The following ST7L variants were observed in gnomAD, a reference collection of about 807,000 sequenced individuals.
ST7L encodes suppression of tumorigenicity 7 like.
Under a neutral mutation model 72.5 loss-of-function variants are expected in ST7L, and 57 were observed. That is an observed-to-expected ratio of 0.79 (90% CI 0.64 to 0.98). The LOEUF is 0.98. Among genes scored for constraint, ST7L ranks in the 50% least tolerant of loss-of-function variants. The probability of loss-of-function intolerance (pLI) is 0.00; values close to 1 mark genes in which losing one functional copy is unlikely to be tolerated. For missense variants in ST7L, 576 were observed against 672.2 expected (o/e 0.86, Z 1.58); for synonymous variants, 221 against 240.9 (o/e 0.92, Z 0.77).
chr1:112,604,378 A>G (rs1667876433), intron 3 of ST7L, among the ~76,000 whole-genome samples: 1 of 152,140 alleles, frequency 6.6e-6, no homozygotes, highest in South Asian at 2.1e-4. Context: ...CAATTCTAAA[A>G]TCTAAAGGCC....
chr1:112,618,697 A>G (rs1570684872), intron 1 of ST7L: 2 of 1,038,138 alleles, frequency 1.9e-6, no homozygotes, highest in East Asian at 2.7e-5. Context: ...GAGAGGGCGG[A>G]CCTTAAGAGT....
intron 11 of ST7L, among the ~76,000 whole-genome samples, chr1:112,572,879 A>C (rs1239552524): frequency 6.6e-6 from 1 of 152,214 alleles, no homozygotes; most frequent in African/African-American, 2.4e-5. Context: ...AAATTAAAAT[A>C]AAATAAACTC....
intron 9 of ST7L, among the ~76,000 whole-genome samples, chr1:112,580,029 T>C (rs1399687065): frequency 6.6e-6 from 1 of 152,254 alleles, no homozygotes; most frequent in African/African-American, 2.4e-5. Context: ...GAATTCCAGA[T>C]GTTTAAAAGA....
chr1:112,591,354 A>C (rs1558029571), intron 6 of ST7L, 171 bp downstream of exon 6: 1 of 569,296 alleles, frequency 1.8e-6, no homozygotes, highest in Non-Finnish European at 3.0e-6. Context: ...CAATTTCAGA[A>C]GCAAAATACA....
In ST7L at chr1:112,618,717, G is replaced by T. The variant is rs990938097; in HGVS notation, c.205+192C>A. ...GGCGGACCTTAAGAGTTCTACGGAGGAGCCGGTAACGGCAGCAGGCTTGTC... is the reference window on the plus strand; with the variant it reads ...GGCGGACCTTAAGAGTTCTACGGAGTAGCCGGTAACGGCAGCAGGCTTGTC... On this transcript the variant is annotated intron_variant, in intron 1 of 14. Coordinates refer to ENST00000358039, the MANE Select transcript of ST7L (RefSeq NM_017744.5). 1.9e-5 allele frequency: 24 copies of T among 1,232,374 alleles called. No homozygotes were observed. The African/African-American group carries it at 3.3e-4, about 17-fold the overall frequency. 76.3% of individuals were successfully genotyped at this position (1,232,374 alleles called of 1,614,324 possible).
At chr1:112,599,941 A>C (rs1477089632) in intron 4 of ST7L, among the ~76,000 whole-genome samples, 1 of 152,200 alleles carries the variant, frequency 6.6e-6, no homozygotes, top group African/African-American at 2.4e-5. Flanking sequence ...GTGGTGGCTC[A>C]TGCTTGTAAT....
chr1:112,614,067 A>T (rs1189840889), intron 2 of ST7L, among the ~76,000 whole-genome samples: 1 of 152,168 alleles, frequency 6.6e-6, no homozygotes, highest in East Asian at 1.9e-4. Flanking sequence ...CATCATATAT[A>T]TAAGTTATCC....
At chr1:112,528,201 CAGA>C (rs1653776724) in intron 14 of ST7L, 2 of 151,974 alleles carry the variant, frequency 1.3e-5, no homozygotes, top group East Asian at 1.9e-4. Flanking sequence ...TGAGGGCAGT[CAGA>C]AGAAGGCATT....
chr1:112,591,055 T>C (rs757691088), intron 6 of ST7L, among the ~76,000 whole-genome samples: 42 of 151,140 alleles, frequency 2.8e-4, no homozygotes, highest in Non-Finnish European at 5.6e-4. Flanking sequence ...CTCAGCCTCC[T>C]GAGTAGCTGG....
intron 11 of ST7L, among the ~76,000 whole-genome samples, chr1:112,564,111 A>C (rs1187155723): frequency 6.6e-6 from 1 of 152,212 alleles, no homozygotes; most frequent in African/African-American, 2.4e-5. Flanking sequence ...GGGAGACTAA[A>C]GACAGTTCCC....
intron 4 of ST7L, among the ~76,000 whole-genome samples, 166 bp from the exon 5 acceptor site, chr1:112,598,252 A>G (rs1431723308): frequency 6.6e-6 from 1 of 152,238 alleles, no homozygotes; most frequent in African/African-American, 2.4e-5. Flanking sequence ...AAAGTATGAT[A>G]ATAAAACATC....
In ST7L at chr1:112,525,934, G is replaced by T; in HGVS notation, c.*79C>A. The T allele has an allele frequency of 6.3e-7, 1 of 1,588,806 alleles. No homozygotes were observed. Among genetic ancestry groups the T allele is most frequent in the East Asian group, 2.2e-5 (1 of 44,446 alleles). ...GTAATCCTCACAACAACCCTGTGAG[G>T]TAGGGGTTACTGTCACTTTACAGAT... On this transcript the variant is annotated 3_prime_UTR_variant, in exon 15 of 15. Transcript: ENST00000358039.
In ST7L at chr1:112,524,151, C is replaced by T. The variant is rs535595276; in HGVS notation, c.*1862G>A. ...GAGTAATTTCTTCTCCTTTGTCTCA[C>T]TTCCCTTATCAAGAACACCAACCAG... On this transcript the variant is annotated 3_prime_UTR_variant, in exon 15 of 15. Coordinates refer to ENST00000358039, the MANE Select transcript of ST7L (RefSeq NM_017744.5). 1 of 152,744 alleles carries T rather than the reference C, an allele frequency of 6.5e-6. No individual in the cohort carries two copies. The highest frequency in any genetic ancestry group is 1.9e-4 in the East Asian group (1 of 5,188). The allele number at this position is 152,744 out of a possible 1,614,324, so 9.5% of individuals were successfully genotyped here.
intron 1 of ST7L, among the ~76,000 whole-genome samples, chr1:112,617,449 C>T (rs1215627243): frequency 2.0e-5 from 3 of 152,194 alleles, no homozygotes; most frequent in Non-Finnish European, 4.4e-5. Context: ...GGATGGCTCA[C>T]TCCCATAATC....
At chr1:112,588,103 T>C (rs560888008) in intron 6 of ST7L, among the ~76,000 whole-genome samples, 1 of 152,362 alleles carries the variant, frequency 6.6e-6, no homozygotes, top group African/African-American at 2.4e-5. Context: ...AGATTGTTCA[T>C]TGCTAGGATA....
At chr1:112,571,538 T>G (rs1662148407) in intron 11 of ST7L, among the ~76,000 whole-genome samples, 1 of 152,146 alleles carries the variant, frequency 6.6e-6, no homozygotes, top group African/African-American at 2.4e-5. Context: ...GTGATTCTCC[T>G]GCCTCAGCCT....
At chr1:112,544,123 G>A (rs1231571199) in intron 13 of ST7L, among the ~76,000 whole-genome samples, 2 of 152,120 alleles carry the variant, frequency 1.3e-5, no homozygotes, top group Non-Finnish European at 2.9e-5. Context: ...ATAAATGTCT[G>A]CTAAACTGAG....
At chr1:112,587,375 G>T (rs1665018471) in intron 6 of ST7L, among the ~76,000 whole-genome samples, 1 of 152,152 alleles carries the variant, frequency 6.6e-6, no homozygotes, top group South Asian at 2.1e-4. Flanking sequence ...GCTGAGGTGG[G>T]TGGATCACCT....
At chr1:112,593,383 A>G (rs1373419863) in intron 5 of ST7L, among the ~76,000 whole-genome samples, 1 of 152,194 alleles carries the variant, frequency 6.6e-6, no homozygotes, top group Non-Finnish European at 1.5e-5. Context: ...GCTGAATATA[A>G]TTAAAACAAG....
Sources: allele counts gnomAD v4.1 joint callset (sites outside exome capture counted in the v4.1 genomes callset), GRCh38; gene constraint gnomAD v4.1.1; transcripts MANE v1.5; gene names NCBI Gene and HGNC (gene_info 2026-07-23, HGNC 2026-07-21).